Variants in PDE2A observed in about 807,000 individuals in gnomAD.
PDE2A encodes phosphodiesterase 2A, also known as cGMP-dependent 3',5'-cyclic phosphodiesterase.
A neutral mutation model predicts 133.6 loss-of-function variants in PDE2A; 53 were observed. The ratio of observed to expected loss-of-function variants is 0.40; its 90% confidence interval spans 0.32 to 0.50. The LOEUF (loss-of-function observed/expected upper bound fraction) is 0.50, where lower values mean the gene tolerates loss of function less well. Ranked by LOEUF, PDE2A falls within the 20% of genes least tolerant of loss-of-function variation. The pLI is 0.73. For missense variants in PDE2A, 796 were observed against 1,232.4 expected (o/e 0.65, Z 5.30); for synonymous variants, 491 against 490.2 (o/e 1.00, Z -0.02).
chr11:72,592,855 C>T (rs1419211425), intron 6 of PDE2A, among the ~76,000 whole-genome samples: 1 of 151,932 alleles, frequency 6.6e-6, no homozygotes, highest in African/African-American at 2.4e-5. Context: ...CTGGATGAGG[C>T]TCAATCTGTG....
At chr11:72,613,255 A>T (rs976463186) in intron 2 of PDE2A, among the ~76,000 whole-genome samples, 2 of 151,992 alleles carry the variant, frequency 1.3e-5, no homozygotes, top group African/African-American at 4.8e-5. Flanking sequence ...CAGGAAGGCA[A>T]TAACATCAAA....
At chr11:72,660,992 T>C (rs1302414747) in intron 1 of PDE2A, among the ~76,000 whole-genome samples, 2 of 152,036 alleles carry the variant, frequency 1.3e-5, no homozygotes, top group African/African-American at 4.8e-5. Flanking sequence ...CATCTGGCTG[T>C]GTCCTCTCTG....
intron 13 of PDE2A, among the ~76,000 whole-genome samples, chr11:72,587,022 T>C (rs1856006797): frequency 6.6e-6 from 1 of 152,168 alleles, no homozygotes; most frequent in Non-Finnish European, 1.5e-5. Flanking sequence ...AGAACATCTC[T>C]CAGCTTCAGC....
chr11:72,598,028 G>A (rs1856566689), intron 4 of PDE2A, among the ~76,000 whole-genome samples: 1 of 152,198 alleles, frequency 6.6e-6, no homozygotes, highest in Admixed American at 6.5e-5. Context: ...ACCATCCTCA[G>A]AAAACAATTG....
intron 1 of PDE2A, among the ~76,000 whole-genome samples, chr11:72,646,070 C>T (rs911346586): frequency 3.9e-5 from 6 of 152,210 alleles, no homozygotes; most frequent in African/African-American, 9.6e-5. Flanking sequence ...CCTACTATCC[C>T]GGTGTCTGCA....
intron 1 of PDE2A, among the ~76,000 whole-genome samples, chr11:72,666,169 C>T (rs1855227891): frequency 1.3e-5 from 2 of 152,268 alleles, no homozygotes; most frequent in East Asian, 1.9e-4. Context: ...ACACCACAGA[C>T]TTGGCTCTCC....
In PDE2A at chr11:72,597,724, C is replaced by A; in HGVS notation, c.324-105G>T. 1.4e-6 allele frequency: 1 copy of A among 709,422 alleles called. No individual in the cohort carries two copies. The highest frequency in any genetic ancestry group is 1.7e-5 in the South Asian group (1 of 58,490). The allele number at this position is 709,422 out of a possible 1,614,324, so 43.9% of individuals were successfully genotyped here. A position where few individuals can be genotyped will look rare whatever the true frequency, so the allele number is the denominator to read the frequency against. ...TTGGACCCTGCACATGTGCAAGGATCTGGGCAAGCTGACCTGCCTCAGGTT... is the reference window on the plus strand; with the variant it reads ...TTGGACCCTGCACATGTGCAAGGATATGGGCAAGCTGACCTGCCTCAGGTT... On this transcript the variant is annotated intron_variant, in intron 4 of 30. Transcript: ENST00000334456. This position sits in a 1 kb window ranked among gnomAD's most constrained non-coding sequence, Gnocchi z 4.6.
At chr11:72,655,524 CAT>C (rs1491184502) in intron 1 of PDE2A, among the ~76,000 whole-genome samples, 4,297 of 151,140 alleles carry the variant, frequency 0.028, 216 homozygotes, top group African/African-American at 0.1. Context: ...TGTGTGTGTG[CAT>C]GTGTGTGTGT....
chr11:72,674,055 C>A, intron 1 of PDE2A, 82 bp downstream of exon 1: 1 of 1,412,408 alleles, frequency 7.1e-7, no homozygotes, highest in Non-Finnish European at 9.8e-7. Context: ...ATGCCAACCC[C>A]AGCTCCTTGG....
intron 2 of PDE2A, among the ~76,000 whole-genome samples, chr11:72,629,613 G>A (rs114995238): frequency 1.2e-4 from 19 of 152,346 alleles, no homozygotes; most frequent in African/African-American, 4.3e-4. Context: ...CCCACTTGGA[G>A]GCACATTCTC....
intron 4 of PDE2A, among the ~76,000 whole-genome samples, chr11:72,600,437 C>T (rs1282768618): frequency 1.3e-5 from 2 of 152,128 alleles, no homozygotes; most frequent in Admixed American, 1.3e-4. Context: ...GCAGCCTGCC[C>T]TCCCCCGGCT....
In PDE2A at chr11:72,590,679, C is replaced by A. The variant is rs1283257366; in HGVS notation, c.550-99G>T. ...TTGCTCCCGCCGTTCCCTCTGCCTG[C>A]CGGGCCCAGGGACCCCGCCGCCGTC... On this transcript the variant is annotated intron_variant, in intron 7 of 30. Transcript: ENST00000334456. This position sits in a 1 kb window ranked among gnomAD's most constrained non-coding sequence, Gnocchi z 4.8. 3.5e-6 allele frequency: 4 copies of A among 1,154,694 alleles called. No individual in the cohort carries two copies. Among genetic ancestry groups the A allele is most frequent in the Non-Finnish European group, 3.4e-6 (3 of 884,874 alleles). The allele number at this position is 1,154,694 out of a possible 1,614,324, so 71.5% of individuals were successfully genotyped here. A position where few individuals can be genotyped will look rare whatever the true frequency, so the allele number is the denominator to read the frequency against.
At chr11:72,617,538 C>A (rs565521315) in intron 2 of PDE2A, among the ~76,000 whole-genome samples, 1 of 152,382 alleles carries the variant, frequency 6.6e-6, no homozygotes, top group Non-Finnish European at 1.5e-5. Context: ...CAGCCTCCCG[C>A]TGCTTTGTCC....
chr11:72,577,692 GC>G, intron 30 of PDE2A, 98 bp from the exon 31 acceptor site: 1 of 838,414 alleles, frequency 1.2e-6, no homozygotes, highest in Non-Finnish European at 2.0e-6. Context: ...TTCCACAAGG[GC>G]CAGGTACGGT....
chr11:72,673,501 GC>G (rs1855431466), intron 1 of PDE2A, among the ~76,000 whole-genome samples: 1 of 151,900 alleles, frequency 6.6e-6, no homozygotes, highest in South Asian at 2.1e-4. Context: ...GCACCCCCCT[GC>G]ACGTGGACAC....
intron 2 of PDE2A, among the ~76,000 whole-genome samples, chr11:72,637,460 C>T (rs1223830269): frequency 6.6e-6 from 1 of 152,238 alleles, no homozygotes; most frequent in Non-Finnish European, 1.5e-5. Flanking sequence ...CCTAGGAAGT[C>T]CTGGAAGTAC....
intron 2 of PDE2A, among the ~76,000 whole-genome samples, chr11:72,613,316 G>A (rs892853051): frequency 9.9e-5 from 15 of 151,868 alleles, no homozygotes; most frequent in Non-Finnish European, 1.8e-4. Context: ...GGGACTGTCC[G>A]TTCACACTGA....
At chr11:72,664,921 C>G (rs778471803) in intron 1 of PDE2A, among the ~76,000 whole-genome samples, 2 of 152,048 alleles carry the variant, frequency 1.3e-5, no homozygotes, top group Non-Finnish European at 2.9e-5. Context: ...ATTCTCCTGC[C>G]TCAGCCCCCC....
At chr11:72,640,413 A>C (rs1414105143) in intron 2 of PDE2A, among the ~76,000 whole-genome samples, 1 of 151,162 alleles carries the variant, frequency 6.6e-6, no homozygotes, top group Non-Finnish European at 1.5e-5. Flanking sequence ...ACATGCACGC[A>C]CACACACACA....
Sources: allele counts gnomAD v4.1 joint callset (sites outside exome capture counted in the v4.1 genomes callset), GRCh38; gene constraint gnomAD v4.1.1; non-coding constraint Gnocchi (gnomAD v3.1); transcripts MANE v1.5; gene names NCBI Gene and HGNC (gene_info 2026-07-23, HGNC 2026-07-21).